Variants in PTPN9 observed in about 807,000 individuals in gnomAD.
PTPN9 encodes tyrosine-protein phosphatase non-receptor type 9.
In PTPN9, 26 loss-of-function variants were observed where a neutral mutation model predicts 69.8. That is an observed-to-expected ratio of 0.37 (90% CI 0.27 to 0.52). PTPN9 has a LOEUF of 0.52. Among genes scored for constraint, PTPN9 ranks in the 20% least tolerant of loss-of-function variants. PTPN9 has a pLI of 0.91. For missense variants in PTPN9, 549 were observed against 740.3 expected (o/e 0.74, Z 3.00); for synonymous variants, 274 against 272.5 (o/e 1.01, Z -0.05).
chr15:75,488,433 A>C (rs1306719699), intron 8 of PTPN9, among the ~76,000 whole-genome samples: 1 of 152,118 alleles, frequency 6.6e-6, no homozygotes, highest in Non-Finnish European at 1.5e-5. Context: ...AAAAAAAGGA[A>C]GATAATAATA....
chr15:75,513,673 A>G (rs979188832), intron 5 of PTPN9, among the ~76,000 whole-genome samples: 3 of 152,038 alleles, frequency 2.0e-5, no homozygotes, highest in African/African-American at 7.3e-5. Context: ...AGGCTGAGGC[A>G]GGAGAATCAC....
At chr15:75,559,266 G>C (rs1042590848) in intron 1 of PTPN9, among the ~76,000 whole-genome samples, 1 of 152,210 alleles carries the variant, frequency 6.6e-6, no homozygotes, top group African/African-American at 2.4e-5. Flanking sequence ...CCCCGTCTGG[G>C]AGGTGTACCC....
chr15:75,537,100 C>T (rs1191331408), intron 1 of PTPN9, among the ~76,000 whole-genome samples: 1 of 151,882 alleles, frequency 6.6e-6, no homozygotes, highest in Non-Finnish European at 1.5e-5. Context: ...ACCTGTAATC[C>T]CAGCACTTTG....
At chr15:75,566,016 A>G (rs562846434) in intron 1 of PTPN9, among the ~76,000 whole-genome samples, 1 of 152,174 alleles carries the variant, frequency 6.6e-6, no homozygotes, top group Non-Finnish European at 1.5e-5. Context: ...TCTTATCTGA[A>G]AAAGAAAAGT....
At chr15:75,565,795 C>T (rs975633934) in intron 1 of PTPN9, among the ~76,000 whole-genome samples, 1 of 152,138 alleles carries the variant, frequency 6.6e-6, no homozygotes, top group Admixed American at 6.6e-5. Context: ...ACCACCAGTG[C>T]ACCTAAAGGT....
At chr15:75,540,971 C>A (rs1209026116) in intron 1 of PTPN9, among the ~76,000 whole-genome samples, 1 of 151,566 alleles carries the variant, frequency 6.6e-6, no homozygotes, top group Admixed American at 6.6e-5. Flanking sequence ...CCCAGGTACT[C>A]AGGAGGCTGA....
chr15:75,476,229 A>AT (rs954875329), intron 9 of PTPN9, among the ~76,000 whole-genome samples: 6 of 152,208 alleles, frequency 3.9e-5, no homozygotes, highest in Admixed American at 3.3e-4. Flanking sequence ...TAAGAGCTGT[A>AT]TTTTTTGCTA....
At position 75,481,850 on chromosome 15, in the gene PTPN9, T is replaced by C. The variant is rs1228894690; in HGVS notation, c.1063-1936A>G. Among the ~76,000 whole-genome samples the C allele has an allele frequency of 8.9e-5, 12 of 134,356 alleles. No homozygotes were observed. In the East Asian group the frequency reaches 2.3e-3, roughly 26 times the overall value. The allele number at this position is 134,356 out of a possible 152,430, so 88.1% of individuals were successfully genotyped here. A position where few individuals can be genotyped will look rare whatever the true frequency, so the allele number is the denominator to read the frequency against. On this transcript the variant is annotated intron_variant, in intron 8 of 12. Transcript: ENST00000618819. ...GGAGGTGGGGGGGGGTCAGCGCCCC[T>C]GCCTGGCCAGCCGCCCCTCCGGGAG...
chr15:75,486,048 C>T (rs1261134066), intron 8 of PTPN9, among the ~76,000 whole-genome samples: 4 of 143,054 alleles, frequency 2.8e-5, no homozygotes, highest in South Asian at 4.5e-4. Context: ...TGCAGTGAGC[C>T]GAGATCGCAC....
chr15:75,517,934 G>A (rs1453659509), intron 4 of PTPN9, among the ~76,000 whole-genome samples: 2 of 152,150 alleles, frequency 1.3e-5, no homozygotes, highest in Non-Finnish European at 2.9e-5. Flanking sequence ...TAGACTGGAA[G>A]CCCATCTCTA....
At chr15:75,512,972 C>T in intron 5 of PTPN9, 2 of 397,856 alleles carry the variant, frequency 5.0e-6, no homozygotes, top group Non-Finnish European at 9.8e-6. Flanking sequence ...ATCCATTCGC[C>T]ACTTAAGTTT....
chr15:75,534,329 C>T (rs1388290227), intron 1 of PTPN9, among the ~76,000 whole-genome samples: 1 of 152,142 alleles, frequency 6.6e-6, no homozygotes, highest in Admixed American at 6.6e-5. Flanking sequence ...TAGTCTGTAT[C>T]AATGCAATCT....
chr15:75,537,556 A>G (rs1454180460), intron 1 of PTPN9, among the ~76,000 whole-genome samples: 1 of 143,162 alleles, frequency 7.0e-6, no homozygotes, highest in Non-Finnish European at 1.5e-5. Flanking sequence ...GATCAAGACC[A>G]TCCTGGCCAA....
At chr15:75,576,480 C>T (rs181260853) in intron 1 of PTPN9, among the ~76,000 whole-genome samples, 11 of 151,622 alleles carry the variant, frequency 7.3e-5, no homozygotes, top group Admixed American at 4.6e-4. Flanking sequence ...TGCAGTGAGC[C>T]GAGATCACGC....
chr15:75,515,822 G>A (rs1327330063), intron 5 of PTPN9, among the ~76,000 whole-genome samples: 3 of 151,900 alleles, frequency 2.0e-5, no homozygotes, highest in Admixed American at 6.6e-5. Context: ...CATTTGAACC[G>A]GGAGGTGGAG....
Position 75,505,766 on chromosome 15 carries a change from C to G in PTPN9, c.877G>C (p.Asp293His). The change falls in exon 7 of 13, where the codon GAC becomes CAC. Residue 293 changes from aspartate (D) to histidine (H), a missense_variant. Asp to His is a moderately conservative substitution (Grantham distance 81). Around this residue, in one of 3 missense-constraint regions of PTPN9, gnomAD observed 457 missense variants for 661.9 expected, o/e 0.69. Transcript: ENST00000618819. ...PHAMTIQELV[D>H]YVNARQKQGI... ...TGCTTTTGCCTGGCATTAACATAGTCCACCAACTCTTGGATGGTCATAGCA... is the reference window on the plus strand; with the variant it reads ...TGCTTTTGCCTGGCATTAACATAGTGCACCAACTCTTGGATGGTCATAGCA... The G allele has an allele frequency of 6.2e-7, 1 of 1,614,070 alleles. No individual in the cohort carries two copies. The highest frequency in any genetic ancestry group is 8.5e-7 in the Non-Finnish European group (1 of 1,179,976).
intron 1 of PTPN9, among the ~76,000 whole-genome samples, chr15:75,577,522 C>G (rs888607948): frequency 6.6e-6 from 1 of 152,168 alleles, no homozygotes; most frequent in Non-Finnish European, 1.5e-5. Flanking sequence ...GATTTCATCA[C>G]CAGGTGTCAA....
intron 1 of PTPN9, among the ~76,000 whole-genome samples, chr15:75,568,519 A>C (rs576297336): frequency 6.9e-6 from 1 of 145,458 alleles, no homozygotes; most frequent in East Asian, 2.0e-4. Context: ...AAAAAAAAAA[A>C]AAAAACAAAA....
intron 1 of PTPN9, among the ~76,000 whole-genome samples, chr15:75,550,306 C>T (rs1309736979): frequency 1.3e-5 from 2 of 148,286 alleles, no homozygotes; most frequent in Non-Finnish European, 1.5e-5. Flanking sequence ...GCTGGGATTA[C>T]AGGCACCCGC....
Sources: gnomAD v4.1 joint callset for allele counts (sites outside exome capture counted in the v4.1 genomes callset) on GRCh38, gnomAD v4.1.1 for gene constraint, gnomAD v4.1.1 regional missense constraint, MANE v1.5 for transcripts, NCBI Gene and HGNC (gene_info 2026-07-23, HGNC 2026-07-21) for gene names.